The following FAM171A1 variants were observed in gnomAD, a reference collection of about 807,000 sequenced individuals.
FAM171A1 encodes the protein protein FAM171A1.
Under a neutral mutation model 74.9 loss-of-function variants are expected in FAM171A1, and 23 were observed. That is an observed-to-expected ratio of 0.31 (90% confidence interval 0.22 to 0.44). The LOEUF (loss-of-function observed/expected upper bound fraction) is 0.44, where lower values mean the gene tolerates loss of function less well. Among genes scored for constraint, FAM171A1 ranks in the 20% least tolerant of loss-of-function variants. The pLI is 1.00. For synonymous variants in FAM171A1, 527 were observed against 505.7 expected, an observed-to-expected ratio of 1.04 and a Z score of -0.57; for missense variants, 1,162 against 1,159.2, an observed-to-expected ratio of 1.00 and a Z score of -0.03.
At chr10:15,279,268 A>T (rs1834935771) in intron 2 of FAM171A1, among the ~76,000 whole-genome samples, 1 of 152,240 alleles carries the variant, frequency 6.6e-6, no homozygotes, top group Non-Finnish European at 1.5e-5. Flanking sequence ...TATTTCCTAA[A>T]GGAGAGAAAA....
At chr10:15,298,435 T>C (rs538972879) in intron 1 of FAM171A1, among the ~76,000 whole-genome samples, 4 of 152,252 alleles carry the variant, frequency 2.6e-5, no homozygotes, top group African/African-American at 9.6e-5. Flanking sequence ...CACCCGGCCA[T>C]GAATCAACCA....
At chr10:15,303,996 C>T (rs999721386) in intron 1 of FAM171A1, among the ~76,000 whole-genome samples, 3 of 152,170 alleles carry the variant, frequency 2.0e-5, no homozygotes, top group East Asian at 1.9e-4. Context: ...AGGGACAGGA[C>T]GATTTCCCGG....
At chr10:15,290,873 G>C (rs1835094188) in intron 1 of FAM171A1, among the ~76,000 whole-genome samples, 1 of 152,060 alleles carries the variant, frequency 6.6e-6, no homozygotes, top group Non-Finnish European at 1.5e-5. Context: ...TGAAGATGAG[G>C]GGTCTGGGCC....
At chr10:15,334,974 G>A (rs1373540446) in intron 1 of FAM171A1, among the ~76,000 whole-genome samples, 3 of 152,204 alleles carry the variant, frequency 2.0e-5, no homozygotes, top group African/African-American at 7.2e-5. Flanking sequence ...CAGTGCAGTG[G>A]CTCACGCCTG....
intron 3 of FAM171A1, among the ~76,000 whole-genome samples, chr10:15,272,463 G>A (rs1307709107): frequency 6.6e-6 from 1 of 152,162 alleles, no homozygotes; most frequent in Non-Finnish European, 1.5e-5. Flanking sequence ...ACACCCCACT[G>A]TCAACATTAG....
intron 1 of FAM171A1, among the ~76,000 whole-genome samples, chr10:15,340,089 G>A (rs923865238): frequency 3.9e-5 from 6 of 152,108 alleles, no homozygotes; most frequent in South Asian, 2.1e-4. Context: ...TTGGGTAGGC[G>A]GGGGCACAGC....
intron 5 of FAM171A1, among the ~76,000 whole-genome samples, chr10:15,244,898 A>G (rs1311211695): frequency 6.6e-6 from 1 of 152,166 alleles, no homozygotes; most frequent in Non-Finnish European, 1.5e-5. Context: ...TGTGCTCGTG[A>G]AAGTGACAAG....
At chr10:15,294,002 T>A (rs548045930) in intron 1 of FAM171A1, among the ~76,000 whole-genome samples, 1 of 152,312 alleles carries the variant, frequency 6.6e-6, no homozygotes, top group South Asian at 2.1e-4. Flanking sequence ...CAGAATTTGA[T>A]GTGGAAGTCA....
chr10:15,303,250 A>C (rs1588542822), intron 1 of FAM171A1, among the ~76,000 whole-genome samples: 1 of 152,180 alleles, frequency 6.6e-6, no homozygotes, highest in East Asian at 1.9e-4. Flanking sequence ...TTTATAATTT[A>C]TAGTTTTTAT....
At chr10:15,323,798 G>C (rs1336573863) in intron 1 of FAM171A1, among the ~76,000 whole-genome samples, 1 of 151,886 alleles carries the variant, frequency 6.6e-6, no homozygotes, top group African/African-American at 2.4e-5. Context: ...GAAGGAACAC[G>C]GTATTAGGAT....
intron 5 of FAM171A1, among the ~76,000 whole-genome samples, chr10:15,223,765 G>A (rs533559775): frequency 1.3e-5 from 2 of 152,272 alleles, no homozygotes; most frequent in Admixed American, 6.5e-5. Flanking sequence ...TGGGTGTGGT[G>A]GCTCCCATCT....
chr10:15,302,171 ATGT>A (rs1241407279), intron 1 of FAM171A1, among the ~76,000 whole-genome samples: 1 of 152,110 alleles, frequency 6.6e-6, no homozygotes, highest in Non-Finnish European at 1.5e-5. Context: ...TTAGTTTAAC[ATGT>A]TGTTCTTGGC....
At chr10:15,306,447 C>G (rs189311250) in intron 1 of FAM171A1, among the ~76,000 whole-genome samples, 2 of 152,132 alleles carry the variant, frequency 1.3e-5, no homozygotes, top group African/African-American at 4.8e-5. Context: ...TCACTGCCAC[C>G]TCTGCCTCCT....
intron 1 of FAM171A1, among the ~76,000 whole-genome samples, chr10:15,337,469 G>A (rs2131866275): frequency 6.6e-6 from 1 of 152,342 alleles, no homozygotes; most frequent in East Asian, 1.9e-4. Context: ...CGGGTGCGGT[G>A]GCTCCCGCCT....
chr10:15,339,575 A>G (rs1835740840), intron 1 of FAM171A1, among the ~76,000 whole-genome samples: 2 of 152,100 alleles, frequency 1.3e-5, no homozygotes, highest in African/African-American at 4.8e-5. Flanking sequence ...CATTCTCATG[A>G]CATCATATCT....
At position 15,214,342 on chromosome 10, in the gene FAM171A1, T is replaced by G. The variant is rs1303789312; in HGVS notation, c.1246A>C (p.Lys416Gln). 1.9e-6 allele frequency: 3 copies of G among 1,612,482 alleles called. No homozygotes were observed. Among genetic ancestry groups the G allele is most frequent in the Non-Finnish European group, 2.5e-6 (3 of 1,179,276 alleles). The change falls in exon 8 of 8, where the codon AAG becomes CAG. Residue 416 changes from lysine (K) to glutamine (Q), a missense_variant. Coordinates refer to ENST00000378116, the MANE Select transcript of FAM171A1 (RefSeq NM_001010924.2). ...TCCTGGGAGGTGCTGTAGGAGAGCT[T>G]GAGCATGGGGGTGTGCAGGTCCCCT... Reference protein sequence around the residue: ...GEGDLHTPMLKLSYSTSQEFS... With the variant: ...GEGDLHTPMLQLSYSTSQEFS...
chr10:15,284,853 G>A (rs1376377033), intron 1 of FAM171A1, among the ~76,000 whole-genome samples: 2 of 151,734 alleles, frequency 1.3e-5, no homozygotes, highest in Admixed American at 6.6e-5. Flanking sequence ...TAATCACAAA[G>A]GCTAGACTGA....
chr10:15,250,266 C>A (rs1022184830), intron 4 of FAM171A1, among the ~76,000 whole-genome samples: 1 of 152,208 alleles, frequency 6.6e-6, no homozygotes, highest in Non-Finnish European at 1.5e-5. Flanking sequence ...GTTTTGAAAT[C>A]TCTTAGTCTG....
In FAM171A1 at chr10:15,354,931, C is replaced by A. The variant is rs370899070; in HGVS notation, c.97+16025G>T. Among the ~76,000 whole-genome samples, 15 of 152,314 alleles carry A rather than the reference C, an allele frequency of 9.8e-5. 1 individual carries two copies. The highest frequency in any genetic ancestry group is 3.4e-4 in the African/African-American group (14 of 41,558). ...TCTCCTGTTATGCTCAATGCTGATT[C>A]AAATTATCTGACTTCTGGAATAGAT... is the stretch of plus-strand genomic sequence containing the variant. On this transcript the variant is annotated intron_variant, in intron 1 of 7. Coordinates refer to ENST00000378116, the MANE Select transcript of FAM171A1 (RefSeq NM_001010924.2).
Sources: allele counts gnomAD v4.1 joint callset (sites outside exome capture counted in the v4.1 genomes callset), GRCh38; gene constraint gnomAD v4.1.1; transcripts MANE v1.5; gene names NCBI Gene and HGNC (gene_info 2026-07-23, HGNC 2026-07-21).